GLIS3: variants seen among roughly 807,000 people sequenced by gnomAD.
GLIS3 encodes GLIS family zinc finger 3.
GLIS3 carries 53 observed loss-of-function variants against 78.6 expected under a neutral mutation model. That is an observed-to-expected ratio of 0.67 (90% CI 0.54 to 0.85). The LOEUF (loss-of-function observed/expected upper bound fraction) is 0.85. Among genes scored for constraint, GLIS3 ranks in the 40% least tolerant of loss-of-function variants. The probability of loss-of-function intolerance (pLI) is 0.00; values close to 1 mark genes in which losing one functional copy is unlikely to be tolerated. For missense variants in GLIS3, 1,703 were observed against 1,231.1 expected (o/e 1.38, Z -5.74); for synonymous variants, 684 against 509.9 (o/e 1.34, Z -4.60).
the GLIS3 span, among the ~76,000 whole-genome samples, chr9:4,430,658 T>C: frequency 3.9e-5 from 6 of 152,350 alleles, no homozygotes; most frequent in East Asian, 1.2e-3. Flanking sequence ...ATCTTCATTC[T>C]GTTATCCCTA....
intron 2 of GLIS3, among the ~76,000 whole-genome samples, chr9:4,267,174 T>G (rs949898347): frequency 1.3e-5 from 2 of 152,140 alleles, no homozygotes; most frequent in African/African-American, 4.8e-5. Flanking sequence ...CTTAACCTTA[T>G]AGGGTTTCCT....
At chr9:3,854,543 C>CT (rs34558832) in intron 9 of GLIS3, among the ~76,000 whole-genome samples, 118,810 of 145,640 alleles carry the variant, frequency 0.82, 50,819 homozygotes, top group Non-Finnish European at 0.95. Context: ...CGTTGATGTT[C>CT]TTTTTTTTTT....
At chr9:4,455,531 G>A in the GLIS3 span, among the ~76,000 whole-genome samples, 2 of 152,218 alleles carry the variant, frequency 1.3e-5, no homozygotes, top group Admixed American at 1.3e-4. Context: ...TATCCTGGGT[G>A]GATCATATAA....
chr9:4,013,845 A>G (rs767432916), intron 4 of GLIS3, among the ~76,000 whole-genome samples: 2 of 152,190 alleles, frequency 1.3e-5, no homozygotes, highest in Non-Finnish European at 2.9e-5. Flanking sequence ...GACGAGGCAA[A>G]GCACATGAAC....
chr9:3,859,821 A>T (rs1470946904), intron 8 of GLIS3, among the ~76,000 whole-genome samples: 1 of 152,206 alleles, frequency 6.6e-6, no homozygotes, highest in Admixed American at 6.5e-5. Flanking sequence ...AGAAAAAAAA[A>T]TTACTGCTTA....
chr9:3,916,524 G>A (rs1824524322), intron 6 of GLIS3, among the ~76,000 whole-genome samples: 1 of 152,232 alleles, frequency 6.6e-6, no homozygotes, highest in East Asian at 1.9e-4. Flanking sequence ...AACAAATTGT[G>A]TGATTAAATT....
At chr9:4,230,948 T>C (rs1375871256) in intron 2 of GLIS3, among the ~76,000 whole-genome samples, 1 of 152,184 alleles carries the variant, frequency 6.6e-6, no homozygotes, top group Non-Finnish European at 1.5e-5. Context: ...GGCTCACATC[T>C]ATAATCTCAG....
At chr9:4,410,231 C>T in the GLIS3 span, among the ~76,000 whole-genome samples, 4 of 151,744 alleles carry the variant, frequency 2.6e-5, no homozygotes, top group Admixed American at 1.3e-4. Flanking sequence ...CCTGCCTTGG[C>T]TTCCCAAAGT....
intron 4 of GLIS3, among the ~76,000 whole-genome samples, chr9:4,091,016 G>C (rs901877218): frequency 6.6e-6 from 1 of 152,088 alleles, no homozygotes; most frequent in Non-Finnish European, 1.5e-5. Flanking sequence ...ATAAAAAGGG[G>C]GATGATGATA....
chr9:4,001,308 T>G (rs1048772510), intron 4 of GLIS3, among the ~76,000 whole-genome samples: 1 of 152,212 alleles, frequency 6.6e-6, no homozygotes, highest in Non-Finnish European at 1.5e-5. Context: ...TTATCCATTA[T>G]TTTTTAAGGC....
chr9:4,353,318 T>C (rs573100749), upstream of GLIS3, among the ~76,000 whole-genome samples: 4 of 152,132 alleles, frequency 2.6e-5, no homozygotes, highest in Non-Finnish European at 5.9e-5. Flanking sequence ...GTGCATGAAA[T>C]TGCTTGCTAT....
At chr9:4,261,721 C>T (rs1043388987) in intron 2 of GLIS3, among the ~76,000 whole-genome samples, 3 of 152,150 alleles carry the variant, frequency 2.0e-5, no homozygotes, top group South Asian at 2.1e-4. Context: ...GCCATAAACC[C>T]GCAATTTCAC....
At chr9:4,400,433 G>T in the GLIS3 span, among the ~76,000 whole-genome samples, 1 of 152,166 alleles carries the variant, frequency 6.6e-6, no homozygotes, top group African/African-American at 2.4e-5. Context: ...AGCCTTAAAA[G>T]AATGTGATTA....
chr9:4,296,189 A>G (rs1328329203), intron 1 of GLIS3, among the ~76,000 whole-genome samples: 2 of 152,074 alleles, frequency 1.3e-5, no homozygotes, highest in Non-Finnish European at 2.9e-5. Flanking sequence ...GAGTAAATTA[A>G]CACTCCAACT....
In GLIS3 at chr9:4,278,319, G is replaced by T. The variant is rs562092956; in HGVS notation, c.388+7719C>A. Among the ~76,000 whole-genome samples the T allele has an allele frequency of 2.0e-4, 31 of 152,290 alleles. No individual in the cohort carries two copies. In the East Asian group the frequency reaches 5.6e-3, roughly 27 times the overall value. ...GTTTTCCAGATATTCCCCACTAAGA[G>T]GGACTTGAGCTTCTTGGGAAAATGC... On this transcript the variant is annotated intron_variant, in intron 2 of 10. Transcript: ENST00000381971.
At chr9:3,904,144 G>A (rs749690150) in intron 6 of GLIS3, among the ~76,000 whole-genome samples, 4 of 152,124 alleles carry the variant, frequency 2.6e-5, no homozygotes, top group African/African-American at 7.2e-5. Flanking sequence ...AGGTGTTAAC[G>A]TGCTAGACTT....
the GLIS3 span, among the ~76,000 whole-genome samples, chr9:4,481,504 T>C: frequency 1.7e-5 from 2 of 118,160 alleles, no homozygotes; most frequent in Non-Finnish European, 3.4e-5. Context: ...AATTAATTAA[T>C]TAAAAACATA....
the GLIS3 span, among the ~76,000 whole-genome samples, chr9:4,484,346 T>C: frequency 6.7e-6 from 1 of 150,248 alleles, no homozygotes; most frequent in Non-Finnish European, 1.5e-5. Context: ...CAAGCGATTA[T>C]CCTGCCTCAG....
the GLIS3 span, among the ~76,000 whole-genome samples, chr9:4,440,054 T>C: frequency 6.6e-6 from 1 of 152,226 alleles, no homozygotes; most frequent in South Asian, 2.1e-4. Flanking sequence ...TTTCTTGCTA[T>C]TGAGTTGTTT....
Sources: allele counts gnomAD v4.1 joint callset (sites outside exome capture counted in the v4.1 genomes callset), GRCh38; gene constraint gnomAD v4.1.1; transcripts MANE v1.5; gene names NCBI Gene and HGNC (gene_info 2026-07-23, HGNC 2026-07-21).